RNF182: variants seen among roughly 807,000 people sequenced by gnomAD.
The protein encoded by RNF182 is E3 ubiquitin-protein ligase RNF182.
RNF182 carries 15 observed loss-of-function variants against 14.4 expected under a neutral mutation model. The observed-to-expected ratio is 1.04, with a 90% CI of 0.70 to 1.60. RNF182 has a LOEUF of 1.60. Ranked by LOEUF, RNF182 falls within the 40% of genes most tolerant of loss-of-function variation. The pLI is 0.00. For synonymous variants in RNF182, 128 were observed against 122.9 expected, an observed-to-expected ratio of 1.04 and a Z score of -0.27; for missense variants, 268 against 294.8, an observed-to-expected ratio of 0.91 and a Z score of 0.67.
intron 1 of RNF182, among the ~76,000 whole-genome samples, chr6:13,927,369 T>C (rs1012605130): frequency 1.3e-5 from 2 of 152,200 alleles, no homozygotes; most frequent in African/African-American, 2.4e-5. Context: ...GGCAACAGCA[T>C]TGCATATCCC....
intron 1 of RNF182, among the ~76,000 whole-genome samples, chr6:13,935,428 G>A (rs139500010): frequency 6.6e-6 from 1 of 152,086 alleles, no homozygotes; most frequent in East Asian, 1.9e-4. Context: ...ATATGTGTGT[G>A]TATCATGACC....
chr6:13,969,090 G>A (rs7758493), intron 1 of RNF182, among the ~76,000 whole-genome samples: 1 of 149,296 alleles, frequency 6.7e-6, no homozygotes, highest in South Asian at 2.1e-4. Flanking sequence ...GGTCTCATCA[G>A]GCTTGTCTCT....
chr6:13,964,789 C>G (rs919660346), intron 1 of RNF182, among the ~76,000 whole-genome samples: 1 of 152,176 alleles, frequency 6.6e-6, no homozygotes, highest in Non-Finnish European at 1.5e-5. Context: ...CTGAAACTCA[C>G]CCTCACCCCA....
At chr6:13,925,184 G>C (rs1015293846) in intron 1 of RNF182, 161 bp downstream of exon 1, 1 of 146,068 alleles carries the variant, frequency 6.8e-6, no homozygotes, top group Non-Finnish European at 1.5e-5. Context: ...GCCGGGGCCC[G>C]CGCGCGGAGT....
At chr6:13,976,249 C>T (rs565891484) in intron 2 of RNF182, among the ~76,000 whole-genome samples, 2 of 152,286 alleles carry the variant, frequency 1.3e-5, no homozygotes, top group East Asian at 3.9e-4. Flanking sequence ...TTATATGCCT[C>T]ATTCTTCCTT....
intron 1 of RNF182, among the ~76,000 whole-genome samples, chr6:13,927,015 T>C (rs1758847143): frequency 1.3e-5 from 2 of 152,172 alleles, no homozygotes; most frequent in Admixed American, 1.3e-4. Flanking sequence ...TTGCCTTTGC[T>C]GCTAGCTCAC....
At chr6:13,943,816 A>C (rs985771828) in intron 1 of RNF182, among the ~76,000 whole-genome samples, 29 of 152,222 alleles carry the variant, frequency 1.9e-4, no homozygotes, top group Non-Finnish European at 1.0e-4. Flanking sequence ...ACTGAACAAA[A>C]GACAGGAGCC....
Position 13,978,960 on chromosome 6 carries a change from G to T in RNF182, c.*1097G>T, listed in dbSNP as rs1015404171. ...CCAAAATATGATGGTTTAGGTTTAT[G>T]TGCAAGACTTTGTGTTGTAGTCTAG... On this transcript the variant is annotated 3_prime_UTR_variant, in exon 3 of 3. Transcript: ENST00000488300. 1 of 167,082 alleles carries T rather than the reference G, an allele frequency of 6.0e-6. No homozygotes were observed. The highest frequency in any genetic ancestry group is 1.5e-5 in the Non-Finnish European group (1 of 68,132). The allele number at this position is 167,082 out of a possible 1,614,324, so 10.3% of individuals were successfully genotyped here.
At chr6:13,961,181 A>G (rs58550121) in intron 1 of RNF182, among the ~76,000 whole-genome samples, 2,607 of 152,336 alleles carry the variant, frequency 0.017, 55 homozygotes, top group African/African-American at 0.051. Context: ...TGTACTTACT[A>G]TCTGCTCTAT....
intron 1 of RNF182, among the ~76,000 whole-genome samples, chr6:13,950,498 C>CTTTTTTT (rs34765708): frequency 1.6e-5 from 2 of 121,934 alleles, no homozygotes; most frequent in Non-Finnish European, 3.3e-5. Context: ...AAAACAGGTA[C>CTTTTTTT]TTTTTTTTTT....
intron 1 of RNF182, among the ~76,000 whole-genome samples, chr6:13,960,810 T>C (rs140458733): frequency 3.6e-4 from 55 of 152,352 alleles, no homozygotes; most frequent in Non-Finnish European, 6.6e-4. Context: ...TGCTAATTTC[T>C]TTAGACATTT....
chr6:13,960,752 A>G (rs1255328309), intron 1 of RNF182, among the ~76,000 whole-genome samples: 4 of 152,170 alleles, frequency 2.6e-5, no homozygotes, highest in Non-Finnish European at 5.9e-5. Flanking sequence ...ATAGGCATCA[A>G]AATAATCTAC....
intron 1 of RNF182, among the ~76,000 whole-genome samples, chr6:13,957,602 G>A (rs1378552454): frequency 2.6e-5 from 4 of 152,150 alleles, no homozygotes; most frequent in African/African-American, 7.2e-5. Flanking sequence ...TATTAATGCT[G>A]GAGAAGAGAT....
At chr6:13,964,152 A>G (rs902442499) in intron 1 of RNF182, among the ~76,000 whole-genome samples, 9 of 152,290 alleles carry the variant, frequency 5.9e-5, no homozygotes, top group Admixed American at 5.9e-4. Flanking sequence ...AAAAGGTAGA[A>G]CTTGAAAGGC....
Position 13,944,809 on chromosome 6 carries a change from C to T in RNF182, c.-367+19786C>T, listed in dbSNP as rs183439176. ...TGTTCAGGGTCATATAGTCAGTGAT[C>T]AGTGGAGTTGGGATTCCAACCCAGA... On this transcript the variant is annotated intron_variant, in intron 1 of 2. Transcript: ENST00000488300. 5.9e-5 allele frequency among the ~76,000 whole-genome samples: 9 copies of T among 152,296 alleles called. No individual in the cohort carries two copies. In the East Asian group the frequency reaches 1.5e-3, roughly 26 times the overall value.
chr6:13,953,588 A>G (rs1759651806), intron 1 of RNF182, among the ~76,000 whole-genome samples: 1 of 152,194 alleles, frequency 6.6e-6, no homozygotes, highest in Non-Finnish European at 1.5e-5. Context: ...TCTGGCTTAT[A>G]AAGTGGCGTA....
At chr6:13,968,549 C>T (rs1760094269) in intron 1 of RNF182, among the ~76,000 whole-genome samples, 1 of 152,172 alleles carries the variant, frequency 6.6e-6, no homozygotes, top group Admixed American at 6.5e-5. Context: ...TCGTGTTTCA[C>T]TTATAAAATA....
intron 1 of RNF182, among the ~76,000 whole-genome samples, chr6:13,960,660 T>A (rs58179301): frequency 0.015 from 1,187 of 81,026 alleles, 14 homozygotes; most frequent in African/African-American, 0.042. Flanking sequence ...AGAGAGAGTG[T>A]GTGTGTGTGT....
intron 1 of RNF182, among the ~76,000 whole-genome samples, chr6:13,926,484 G>A (rs376930946): frequency 1.3e-5 from 2 of 152,198 alleles, no homozygotes; most frequent in African/African-American, 2.4e-5. Context: ...GAAACTAAAG[G>A]ATTGAAGTTG....
Sources: gnomAD v4.1 joint callset for allele counts (sites outside exome capture counted in the v4.1 genomes callset) on GRCh38, gnomAD v4.1.1 for gene constraint, MANE v1.5 for transcripts, NCBI Gene and HGNC (gene_info 2026-07-23, HGNC 2026-07-21) for gene names.